MECOM: variants seen among roughly 807,000 people sequenced by gnomAD.
The protein encoded by MECOM is MDS1 and EVI1 complex locus.
MECOM carries 13 observed loss-of-function variants against 116.3 expected under a neutral mutation model. The ratio of observed to expected loss-of-function variants is 0.11; its 90% confidence interval spans 0.07 to 0.18. The LOEUF (loss-of-function observed/expected upper bound fraction) is 0.18, where lower values mean the gene tolerates loss of function less well. Ranked by LOEUF, MECOM falls within the 10% of genes least tolerant of loss-of-function variation. The probability of loss-of-function intolerance (pLI) is 1.00; values close to 1 mark genes in which losing one functional copy is unlikely to be tolerated. For synonymous variants in MECOM, 528 were observed against 535.2 expected (o/e 0.99, Z 0.19); for missense variants, 1,299 against 1,509.0 (o/e 0.86, Z 2.31).
chr3:169,486,068 C>T (rs1435453607), intron 1 of MECOM, among the ~76,000 whole-genome samples: 1 of 140,046 alleles, frequency 7.1e-6, no homozygotes, highest in African/African-American at 2.7e-5. Context: ...ATCCCAGAGA[C>T]ATCACCAAGT....
At chr3:169,418,058 GTAAC>G (rs1290190297) in intron 1 of MECOM, among the ~76,000 whole-genome samples, 7 of 148,944 alleles carry the variant, frequency 4.7e-5, no homozygotes, top group Non-Finnish European at 8.9e-5. Context: ...GTATACATAT[GTAAC>G]TAACCTGCAC....
At chr3:169,605,576 G>A (rs1288417085) in intron 1 of MECOM, among the ~76,000 whole-genome samples, 2 of 152,182 alleles carry the variant, frequency 1.3e-5, no homozygotes, top group East Asian at 1.9e-4. Context: ...ACAAGACTAA[G>A]CAAGACAGAA....
intron 2 of MECOM, among the ~76,000 whole-genome samples, chr3:169,295,608 A>G (rs1311795320): frequency 6.6e-6 from 1 of 152,236 alleles, no homozygotes; most frequent in Non-Finnish European, 1.5e-5. Flanking sequence ...GGTAAAATAA[A>G]CTAGTAGCAT....
chr3:169,240,719 A>G (rs1323272796), intron 2 of MECOM, among the ~76,000 whole-genome samples: 1 of 152,176 alleles, frequency 6.6e-6, no homozygotes, highest in Admixed American at 6.5e-5. Context: ...TAAAAAACAA[A>G]TGCCATTTTG....
At chr3:169,290,232 C>A (rs561551265) in intron 2 of MECOM, among the ~76,000 whole-genome samples, 2 of 152,020 alleles carry the variant, frequency 1.3e-5, no homozygotes, top group Non-Finnish European at 2.9e-5. Flanking sequence ...ATGGGGCACA[C>A]TTGAGATATT....
At chr3:169,378,461 GCAAGCAA>G (rs1731597238) in intron 2 of MECOM, among the ~76,000 whole-genome samples, 1 of 47,686 alleles carries the variant, frequency 2.1e-5, no homozygotes, top group Non-Finnish European at 3.6e-5. Context: ...AGGAAAGCAA[GCAAGCAA>G]GCAAGCAAGA....
chr3:169,219,400 G>T (rs975128173), intron 2 of MECOM, among the ~76,000 whole-genome samples: 1 of 152,114 alleles, frequency 6.6e-6, no homozygotes, highest in East Asian at 1.9e-4. Flanking sequence ...CCAGGTACTC[G>T]GGAGGCTGAG....
intron 1 of MECOM, among the ~76,000 whole-genome samples, chr3:169,589,626 C>G (rs1766169079): frequency 6.6e-6 from 1 of 152,126 alleles, no homozygotes; most frequent in South Asian, 2.1e-4. Context: ...ATGCTATTCC[C>G]CACTGTCTCC....
intron 2 of MECOM, among the ~76,000 whole-genome samples, chr3:169,265,704 C>T (rs746859411): frequency 6.6e-6 from 1 of 152,208 alleles, no homozygotes; most frequent in Non-Finnish European, 1.5e-5. Flanking sequence ...TACTAAGTCA[C>T]ATGCTTTAGG....
intron 1 of MECOM, among the ~76,000 whole-genome samples, chr3:169,471,625 C>T (rs1749260449): frequency 1.3e-5 from 2 of 152,182 alleles, no homozygotes; most frequent in Admixed American, 1.3e-4. Context: ...TCCCATGATA[C>T]TGCACTACAT....
intron 2 of MECOM, among the ~76,000 whole-genome samples, chr3:169,361,931 T>C (rs1319783202): frequency 6.6e-6 from 1 of 151,884 alleles, no homozygotes; most frequent in Non-Finnish European, 1.5e-5. Context: ...TTTACTTTCC[T>C]CTTAAAACAA....
intron 2 of MECOM, among the ~76,000 whole-genome samples, chr3:169,366,833 G>A (rs1413040959): frequency 3.9e-5 from 6 of 152,046 alleles, no homozygotes; most frequent in Non-Finnish European, 8.8e-5. Context: ...CAGCCAGTTG[G>A]TAGGAGGCAC....
At chr3:169,323,868 G>A (rs1721338864) in intron 2 of MECOM, among the ~76,000 whole-genome samples, 1 of 152,174 alleles carries the variant, frequency 6.6e-6, no homozygotes, top group Non-Finnish European at 1.5e-5. Flanking sequence ...TCTGTGCAAG[G>A]AAGACTTGGA....
At chr3:169,553,985 G>T (rs1325605519) in intron 1 of MECOM, among the ~76,000 whole-genome samples, 1 of 152,160 alleles carries the variant, frequency 6.6e-6, no homozygotes. Flanking sequence ...GGGTTGCTGG[G>T]GAGGGCGGGG....
chr3:169,497,614 T>C lies in MECOM; in HGVS notation c.38-116090A>G, dbSNP rs181699072. Among the ~76,000 whole-genome samples, 822 of 152,268 alleles carry C rather than the reference T, an allele frequency of 5.4e-3. 11 individuals are homozygous for C. Among genetic ancestry groups the C allele is most frequent in the African/African-American group, 0.019 (800 of 41,558 alleles). On this transcript the variant is annotated intron_variant, in intron 1 of 16. Transcript: ENST00000651503. ...CTCAGGTGATCCACCCGCCTCGGCA[T>C]CCCAAAATGCTGGGATTACAGGCAT... is the stretch of plus-strand genomic sequence containing the variant.
At chr3:169,259,307 T>C (rs1007095314) in intron 2 of MECOM, among the ~76,000 whole-genome samples, 6 of 152,220 alleles carry the variant, frequency 3.9e-5, no homozygotes, top group African/African-American at 1.4e-4. Flanking sequence ...TGTCTGAAGA[T>C]ACCGACACCG....
At chr3:169,149,708 A>G (rs1156254097) in intron 2 of MECOM, 2 of 468,462 alleles carry the variant, frequency 4.3e-6, no homozygotes, top group Non-Finnish European at 4.3e-6. Context: ...TCTTCCCCAA[A>G]TACAACCAAG....
At chr3:169,188,620 G>C (rs146651720) in intron 2 of MECOM, among the ~76,000 whole-genome samples, 2 of 151,936 alleles carry the variant, frequency 1.3e-5, no homozygotes, top group Non-Finnish European at 2.9e-5. Context: ...TATGGACATC[G>C]GGTTGTGATC....
intron 1 of MECOM, among the ~76,000 whole-genome samples, chr3:169,495,986 C>A (rs1169418512): frequency 1.3e-5 from 2 of 152,252 alleles, no homozygotes; most frequent in Non-Finnish European, 2.9e-5. Context: ...AACGACCCTA[C>A]CAGTAAAAGG....
Sources: gnomAD v4.1 joint callset for allele counts (sites outside exome capture counted in the v4.1 genomes callset) on GRCh38, gnomAD v4.1.1 for gene constraint, MANE v1.5 for transcripts, NCBI Gene and HGNC (gene_info 2026-07-23, HGNC 2026-07-21) for gene names.